The following ERLIN2 variants were observed in gnomAD, a reference collection of about 807,000 sequenced individuals.
ERLIN2 encodes erlin-2.
ERLIN2 carries 22 observed loss-of-function variants against 41.5 expected under a neutral mutation model. The observed-to-expected ratio is 0.53, with a 90% CI of 0.38 to 0.76. ERLIN2 has a LOEUF of 0.76. Among genes scored for constraint, ERLIN2 ranks in the 30% least tolerant of loss-of-function variants. The probability of loss-of-function intolerance (pLI) is 0.00; values close to 1 mark genes in which losing one functional copy is unlikely to be tolerated. For missense variants in ERLIN2, 247 were observed against 414.3 expected (o/e 0.60, Z 3.51); for synonymous variants, 149 against 150.9 (o/e 0.99, Z 0.09).
chr8:37,744,531 C>G (rs1802969870), intron 5 of ERLIN2, 40 bp from the exon 6 acceptor site: 1 of 1,613,932 alleles, frequency 6.2e-7, no homozygotes, highest in Non-Finnish European at 8.5e-7. Context: ...CATTTTGAGT[C>G]TTGCCTTTTC....
In ERLIN2 at chr8:37,741,451, G is replaced by A. The variant is rs1165218117; in HGVS notation, c.190-321G>A. ...TTTCAAGCATCCACTGGGGGCCTTC[G>A]AACATAAAGCGGTGCCTAACATAAA... On this transcript the variant is annotated intron_variant, in intron 3 of 11. Coordinates refer to ENST00000519638, the MANE Select transcript of ERLIN2 (RefSeq NM_007175.8). This position sits in a 1 kb window ranked among gnomAD's most constrained non-coding sequence, Gnocchi z 4.8. Among the ~76,000 whole-genome samples, 1 of 152,160 alleles carries A rather than the reference G, an allele frequency of 6.6e-6. No homozygotes were observed. The highest frequency in any genetic ancestry group is 1.5e-5 in the Non-Finnish European group (1 of 68,038).
chr8:37,745,286 C>T, intron 6 of ERLIN2: 1 of 504,956 alleles, frequency 2.0e-6, no homozygotes, highest in Non-Finnish European at 3.5e-6. Flanking sequence ...GTTCTCAGAA[C>T]CTTTGTGATT....
intron 6 of ERLIN2, chr8:37,747,842 G>A (rs192202209): frequency 3.1e-6 from 5 of 1,614,158 alleles, no homozygotes; most frequent in East Asian, 4.5e-5. Context: ...ACACGGGACC[G>A]GTCCCGGGGC....
At chr8:37,740,581 TTATATATATATAATA>T in intron 3 of ERLIN2, 135 bp downstream of exon 3, 1 of 281,278 alleles carries the variant, frequency 3.6e-6, no homozygotes, top group East Asian at 9.9e-5. Flanking sequence ...TATATACATA[TTATATATATATAATA>T]TATATATATA....
chr8:37,753,557 A>G, intron 11 of ERLIN2, 28 bp downstream of exon 11: 3 of 1,603,658 alleles, frequency 1.9e-6, no homozygotes, highest in Non-Finnish European at 2.6e-6. Context: ...CCTGATAAAA[A>G]GGAGTCTTTG....
chr8:37,745,518 G>A (rs1239847619), intron 6 of ERLIN2: 1 of 1,589,616 alleles, frequency 6.3e-7, no homozygotes, highest in Non-Finnish European at 8.6e-7. Context: ...AATAGCCAAT[G>A]CCAAAAGTAA....
At chr8:37,747,608 T>C in intron 6 of ERLIN2, 1 of 1,611,792 alleles carries the variant, frequency 6.2e-7, no homozygotes, top group Non-Finnish European at 8.5e-7. Context: ...TGTTTCTGAG[T>C]ATATATGTTC....
intron 1 of ERLIN2, chr8:37,736,942 C>T: frequency 7.1e-6 from 7 of 985,920 alleles, no homozygotes; most frequent in Non-Finnish European, 8.4e-6. Context: ...CGCGAGTGAC[C>T]TCGGGGAGGG....
chr8:37,746,495 A>G (rs1803055466), intron 6 of ERLIN2: 1 of 979,788 alleles, frequency 1.0e-6, no homozygotes. Context: ...AATAATACCT[A>G]TGTATACAAC....
intron 8 of ERLIN2, 113 bp from the exon 9 acceptor site, chr8:37,750,279 CAGG>C (rs1483001926): frequency 2.5e-6 from 2 of 792,426 alleles, no homozygotes; most frequent in Non-Finnish European, 4.3e-6. Context: ...AACAGCCTTC[CAGG>C]AGGAGTAGGA....
At chr8:37,745,217 GA>G in intron 6 of ERLIN2, 2 of 444,370 alleles carry the variant, frequency 4.5e-6, no homozygotes, top group Non-Finnish European at 7.9e-6. Context: ...AATGGGTGAT[GA>G]AAAAGACATG....
intron 6 of ERLIN2, chr8:37,748,058 A>G (rs937604408): frequency 2.2e-5 from 32 of 1,471,034 alleles, no homozygotes; most frequent in Middle Eastern, 1.7e-4. Context: ...TCGCGCCGAA[A>G]TGACGTCACG....
At chr8:37,749,718 C>A in intron 7 of ERLIN2, 76 bp from the exon 8 acceptor site, 1 of 1,557,882 alleles carries the variant, frequency 6.4e-7, no homozygotes, top group Non-Finnish European at 8.9e-7. Context: ...GCAGGAAGAT[C>A]AAGGCCCAGT....
chr8:37,738,142 G>T, intron 2 of ERLIN2, 113 bp downstream of exon 2: 1 of 1,278,238 alleles, frequency 7.8e-7, no homozygotes, highest in South Asian at 1.2e-5. Context: ...TCCTTGAATA[G>T]GGGAGCCTTT....
chr8:37,751,018 C>G (rs111631921), intron 9 of ERLIN2, among the ~76,000 whole-genome samples: 1,819 of 152,284 alleles, frequency 0.012, 40 homozygotes, highest in African/African-American at 0.042. Context: ...CGTGCCCAGC[C>G]TGTTAATTCT....
chr8:37,736,921 C>T (rs1802664450), intron 1 of ERLIN2: 4 of 985,688 alleles, frequency 4.1e-6, no homozygotes, highest in African/African-American at 3.5e-5. Flanking sequence ...CGGAACGGGG[C>T]GGGGAAGGGG....
intron 6 of ERLIN2, chr8:37,747,510 C>A: frequency 6.2e-7 from 1 of 1,612,486 alleles, no homozygotes; most frequent in Non-Finnish European, 8.5e-7. Flanking sequence ...TCTCCTCTTC[C>A]TCTTCATCAA....
At chr8:37,745,176 A>G in intron 6 of ERLIN2, 2 of 466,956 alleles carry the variant, frequency 4.3e-6, no homozygotes, top group Non-Finnish European at 7.5e-6. Flanking sequence ...CATTCTTCTC[A>G]CCATGCAACA....
intron 8 of ERLIN2, chr8:37,750,087 G>A (rs1462884568): frequency 1.6e-5 from 10 of 631,422 alleles, no homozygotes; most frequent in Non-Finnish European, 2.8e-5. Flanking sequence ...TTTGAAAAGG[G>A]CCAGGGGGCC....
Sources: gnomAD v4.1 joint callset for allele counts (sites outside exome capture counted in the v4.1 genomes callset) on GRCh38, gnomAD v4.1.1 for gene constraint, Gnocchi (gnomAD v3.1) non-coding constraint, MANE v1.5 for transcripts, NCBI Gene and HGNC (gene_info 2026-07-23, HGNC 2026-07-21) for gene names.